AMPH: variants seen among roughly 807,000 people sequenced by gnomAD.
The protein encoded by AMPH is amphiphysin.
AMPH carries 49 observed loss-of-function variants against 99.1 expected under a neutral mutation model. The observed-to-expected ratio is 0.49, with a 90% confidence interval of 0.39 to 0.63. The LOEUF is 0.63. AMPH is among the 20% of genes least tolerant of loss of function. The pLI is 0.00. For synonymous variants in AMPH, 314 were observed against 317.3 expected (o/e 0.99, Z 0.11); for missense variants, 759 against 863.4 (o/e 0.88, Z 1.52).
At chr7:38,391,327 A>G (rs539617257) in intron 19 of AMPH, among the ~76,000 whole-genome samples, 1 of 152,008 alleles carries the variant, frequency 6.6e-6, no homozygotes, top group South Asian at 2.1e-4. Flanking sequence ...TGGGCTCCCT[A>G]CTCTGTGTCA....
intron 1 of AMPH, among the ~76,000 whole-genome samples, chr7:38,619,044 C>T (rs192324641): frequency 1.3e-5 from 2 of 152,098 alleles, no homozygotes; most frequent in Non-Finnish European, 2.9e-5. Context: ...ATATCTCATG[C>T]TGCCAGGCAT....
chr7:38,465,654 TA>T, intron 8 of AMPH, 105 bp from the exon 9 acceptor site: 1 of 974,962 alleles, frequency 1.0e-6, no homozygotes, highest in Non-Finnish European at 1.6e-6. Context: ...CTATAAATTT[TA>T]TGATAGCTTG....
chr7:38,519,970 G>A (rs1462263100), intron 2 of AMPH, among the ~76,000 whole-genome samples: 1 of 151,904 alleles, frequency 6.6e-6, no homozygotes, highest in African/African-American at 2.4e-5. Flanking sequence ...TTGTGCCCAT[G>A]AACCCTCTGA....
At chr7:38,515,329 T>C (rs1415042413) in intron 2 of AMPH, among the ~76,000 whole-genome samples, 1 of 152,188 alleles carries the variant, frequency 6.6e-6, no homozygotes, top group African/African-American at 2.4e-5. Context: ...GATGACTGGA[T>C]CATGGGGGTG....
intron 17 of AMPH, among the ~76,000 whole-genome samples, chr7:38,406,039 T>C (rs1178597581): frequency 1.3e-5 from 2 of 152,178 alleles, no homozygotes; most frequent in Non-Finnish European, 2.9e-5. Flanking sequence ...CACAGTGGAA[T>C]AAAATTAGAA....
chr7:38,446,732 T>G (rs541483814), intron 11 of AMPH, among the ~76,000 whole-genome samples: 1 of 152,130 alleles, frequency 6.6e-6, no homozygotes, highest in African/African-American at 2.4e-5. Flanking sequence ...TATACATATG[T>G]GCAAACTCAT....
chr7:38,573,072 T>C (rs1270025723), intron 1 of AMPH, among the ~76,000 whole-genome samples: 1 of 152,206 alleles, frequency 6.6e-6, no homozygotes, highest in African/African-American at 2.4e-5. Flanking sequence ...ATTCATTACA[T>C]AGTCCGTACT....
intron 7 of AMPH, among the ~76,000 whole-genome samples, chr7:38,467,719 G>T (rs1346750156): frequency 2.0e-5 from 3 of 151,128 alleles, no homozygotes; most frequent in African/African-American, 7.3e-5. Context: ...TTAGAAATAA[G>T]CAGCTTATAA....
intron 1 of AMPH, among the ~76,000 whole-genome samples, chr7:38,575,416 C>T (rs1792202282): frequency 6.6e-6 from 1 of 152,226 alleles, no homozygotes. Flanking sequence ...GCTGTGTCCC[C>T]ACCCAAATCT....
In AMPH at chr7:38,502,105, G is replaced by A. The variant is rs146053957; in HGVS notation, c.205+1545C>T. Reference sequence around the variant, plus strand: ...CTGACCTTCATTTAGTTTACTCACTGAGCTCTTTATATCTTGATTTACTTT... The same window carrying A: ...CTGACCTTCATTTAGTTTACTCACTAAGCTCTTTATATCTTGATTTACTTT... On this transcript the variant is annotated intron_variant, in intron 3 of 20. Transcript: ENST00000356264. 4.4e-3 allele frequency among the ~76,000 whole-genome samples: 662 copies of A among 152,028 alleles called. 14 individuals carry two copies. The highest frequency in any genetic ancestry group is 1.9e-3 in the Non-Finnish European group (127 of 67,988).
intron 1 of AMPH, among the ~76,000 whole-genome samples, chr7:38,599,949 C>T (rs932389214): frequency 7.2e-5 from 11 of 151,908 alleles, no homozygotes; most frequent in African/African-American, 2.7e-4. Context: ...TATAAAATAT[C>T]GTTGTATCTT....
In AMPH at chr7:38,494,582, C is replaced by T. The variant is rs757977192; in HGVS notation, c.206-55G>A. ...CACAGAAATGAGTGAGGATTCTCTT[C>T]TCCCTTCCTCCACTTTCTTAAGTGA... On this transcript the variant is annotated intron_variant, in intron 3 of 20. Coordinates refer to ENST00000356264, the MANE Select transcript of AMPH (RefSeq NM_001635.4). The T allele has an allele frequency of 3.0e-4, 445 of 1,473,246 alleles. 1 individual carries two copies. The highest frequency in any genetic ancestry group is 2.5e-4 in the Non-Finnish European group (261 of 1,053,030). The allele number at this position is 1,473,246 out of a possible 1,614,324, so 91.3% of individuals were successfully genotyped here.
chr7:38,452,608 G>A (rs1249982608), intron 11 of AMPH, among the ~76,000 whole-genome samples: 2 of 152,198 alleles, frequency 1.3e-5, no homozygotes, highest in African/African-American at 2.4e-5. Flanking sequence ...TTTGAAGGGA[G>A]CAGTTATGAA....
At chr7:38,417,750 C>T (rs1390898802) in intron 17 of AMPH, 75 bp downstream of exon 17, 6 of 1,560,768 alleles carry the variant, frequency 3.8e-6, no homozygotes, top group Admixed American at 3.6e-5. Flanking sequence ...AAGATGAGAG[C>T]GATGCATATG....
At chr7:38,478,839 G>A (rs1788182839) in intron 5 of AMPH, among the ~76,000 whole-genome samples, 1 of 152,082 alleles carries the variant, frequency 6.6e-6, no homozygotes, top group African/African-American at 2.4e-5. Context: ...AATTGATTCA[G>A]TGGGCCCATT....
At chr7:38,618,270 TGGGAGGCCGAGGC>T (rs1454824519) in intron 1 of AMPH, among the ~76,000 whole-genome samples, 2 of 151,082 alleles carry the variant, frequency 1.3e-5, no homozygotes, top group African/African-American at 4.9e-5. Flanking sequence ...CCCAGCACTT[TGGGAGGCCGAGGC>T]GGGCAGATCA....
rs564886051 is a variant in AMPH, at chr7:38,427,378, TATG to T, written c.1183-395_1183-393del. Among the ~76,000 whole-genome samples the T allele has an allele frequency of 9.7e-4, 148 of 152,312 alleles. 1 individual carries two copies. The highest frequency in any genetic ancestry group is 3.3e-3 in the African/African-American group (137 of 41,566). On this transcript the variant is annotated intron_variant, in intron 14 of 20. Coordinates refer to ENST00000356264, the MANE Select transcript of AMPH (RefSeq NM_001635.4). ...ATGCATCATTTTGATGAACAGCAAT[TATG>T]ATATTTTACAGTTTCAGTGGGCCTG...
chr7:38,560,215 A>G (rs1485388928), intron 1 of AMPH, among the ~76,000 whole-genome samples: 2 of 152,168 alleles, frequency 1.3e-5, no homozygotes, highest in Admixed American at 6.5e-5. Context: ...GTCCCTACTC[A>G]TGATTATACT....
intron 4 of AMPH, among the ~76,000 whole-genome samples, chr7:38,493,387 T>C (rs1049236000): frequency 2.0e-5 from 3 of 152,198 alleles, no homozygotes; most frequent in Non-Finnish European, 4.4e-5. Flanking sequence ...GTAATCATAA[T>C]ATGTACCAAA....
Sources: allele counts gnomAD v4.1 joint callset (sites outside exome capture counted in the v4.1 genomes callset), GRCh38; gene constraint gnomAD v4.1.1; transcripts MANE v1.5; gene names NCBI Gene and HGNC (gene_info 2026-07-23, HGNC 2026-07-21).